Variants in TIAM1 observed in about 807,000 individuals in gnomAD.
The protein encoded by TIAM1 is rho guanine nucleotide exchange factor TIAM1.
A neutral mutation model predicts 163.5 loss-of-function variants in TIAM1; 65 were observed. That is an observed-to-expected ratio of 0.40 (90% CI 0.33 to 0.49). TIAM1 has a LOEUF of 0.49. Ranked by LOEUF, TIAM1 falls within the 20% of genes least tolerant of loss-of-function variation. The probability of loss-of-function intolerance (pLI) is 0.77; values close to 1 mark genes in which losing one functional copy is unlikely to be tolerated. For missense variants in TIAM1, 1,789 were observed against 2,044.7 expected, an observed-to-expected ratio of 0.87 and a Z score of 2.41; for synonymous variants, 833 against 810.1, an observed-to-expected ratio of 1.03 and a Z score of -0.48.
intron 2 of TIAM1, among the ~76,000 whole-genome samples, chr21:31,363,389 C>T (rs1227355344): frequency 6.6e-6 from 1 of 152,162 alleles, no homozygotes; most frequent in African/African-American, 2.4e-5. Flanking sequence ...TACAACCCAA[C>T]ATTCTAACAG....
At chr21:31,131,022 G>GTGA in intron 23 of TIAM1, 74 bp from the exon 24 acceptor site, 1 of 1,271,456 alleles carries the variant, frequency 7.9e-7, no homozygotes, top group Non-Finnish European at 1.1e-6. Context: ...CCAACTTGTG[G>GTGA]TAATAAACAC....
intron 17 of TIAM1, 142 bp downstream of exon 17, chr21:31,154,105 G>T: frequency 1.1e-6 from 1 of 938,712 alleles, no homozygotes; most frequent in Non-Finnish European, 1.6e-6. Flanking sequence ...TTAACATTCA[G>T]AGTATAGGCA....
intron 22 of TIAM1, among the ~76,000 whole-genome samples, chr21:31,139,914 G>T (rs568679252): frequency 6.6e-6 from 1 of 152,236 alleles, no homozygotes; most frequent in Non-Finnish European, 1.5e-5. Context: ...GTCTGATACT[G>T]GCCTAGCTGA....
chr21:31,328,793 G>A (rs577707417), intron 2 of TIAM1, among the ~76,000 whole-genome samples: 6 of 151,286 alleles, frequency 4.0e-5, no homozygotes, highest in African/African-American at 9.7e-5. Flanking sequence ...TCCCACTTAT[G>A]AGTGATAACC....
At chr21:31,325,148 G>A (rs574288986) in intron 2 of TIAM1, among the ~76,000 whole-genome samples, 17 of 151,550 alleles carry the variant, frequency 1.1e-4, no homozygotes, top group African/African-American at 3.9e-4. Context: ...GCCAGGAATG[G>A]TGGTGTGCAG....
At chr21:31,491,343 T>C (rs2268236) in intron 1 of TIAM1, among the ~76,000 whole-genome samples, 48,347 of 152,044 alleles carry the variant, frequency 0.32, 8,427 homozygotes, top group East Asian at 0.71. Flanking sequence ...GTTTTGTTTC[T>C]AGCAGCCAAA....
intron 2 of TIAM1, among the ~76,000 whole-genome samples, chr21:31,295,227 T>C (rs1366123762): frequency 1.3e-5 from 2 of 152,080 alleles, no homozygotes; most frequent in Non-Finnish European, 2.9e-5. Flanking sequence ...TCCCAGCACT[T>C]TGGGAGGCCA....
In TIAM1 at chr21:31,266,035, T is replaced by G; in HGVS notation, c.938A>C (p.Gln313Pro). The G allele has an allele frequency of 6.2e-7, 1 of 1,614,184 alleles. No homozygotes were observed. Among genetic ancestry groups the G allele is most frequent in the Non-Finnish European group, 8.5e-7 (1 of 1,179,998 alleles). Residue 313 changes from glutamine to proline, a missense_variant, in exon 4 of 28, where the codon CAA becomes CCA. Physicochemically the swap from Gln to Pro is moderately conservative, Grantham distance 76. Around this residue, in one of 5 missense-constraint regions of TIAM1, gnomAD observed 555 missense variants for 564.9 expected, o/e 0.98. Transcript: ENST00000541036. ...NPQISHSNSM[Q>P]GRRAKTTQDV... ...CTGAGTTGTTTTAGCTCTTCTGCCT[T>G]GCATGCTGTTGCTATGGCTAATTTG...
chr21:31,182,684 AT>A (rs773451706), intron 14 of TIAM1, 39 bp from the exon 15 acceptor site: 1 of 1,584,034 alleles, frequency 6.3e-7, no homozygotes, highest in South Asian at 1.2e-5. Context: ...TTTCACACAC[AT>A]TATCAGAACA....
intron 1 of TIAM1, among the ~76,000 whole-genome samples, chr21:31,547,573 C>G (rs2048538989): frequency 6.6e-6 from 1 of 152,124 alleles, no homozygotes; most frequent in Non-Finnish European, 1.5e-5. Flanking sequence ...AACTAAGAAC[C>G]ACAGTTACAA....
At chr21:31,315,756 C>T (rs927006802) in intron 2 of TIAM1, among the ~76,000 whole-genome samples, 10 of 149,332 alleles carry the variant, frequency 6.7e-5, no homozygotes, top group Middle Eastern at 3.5e-3. Context: ...CCGAGGCAGG[C>T]GGATCATGAG....
intron 6 of TIAM1, among the ~76,000 whole-genome samples, chr21:31,230,468 C>T (rs1302871237): frequency 6.6e-6 from 1 of 152,064 alleles, no homozygotes; most frequent in African/African-American, 2.4e-5. Context: ...GATCCTGACC[C>T]CCAGCTCTTG....
intron 1 of TIAM1, among the ~76,000 whole-genome samples, chr21:31,537,802 A>G (rs78028883): frequency 0.012 from 1,870 of 152,270 alleles, 42 homozygotes; most frequent in African/African-American, 0.043. Flanking sequence ...AAGAGGATAG[A>G]AAACTAGGGT....
chr21:31,322,513 A>G (rs1601956517), intron 2 of TIAM1, among the ~76,000 whole-genome samples: 1 of 152,130 alleles, frequency 6.6e-6, no homozygotes, highest in East Asian at 1.9e-4. Context: ...AATGACAGCA[A>G]CTTGCCCCCT....
At position 31,297,984 on chromosome 21, in the gene TIAM1, G is replaced by A. The variant is rs114983519; in HGVS notation, c.-188-21076C>T. Among the ~76,000 whole-genome samples the A allele has an allele frequency of 6.1e-3, 923 of 152,252 alleles. 8 individuals carry two copies. The highest frequency in any genetic ancestry group is 0.021 in the African/African-American group (892 of 41,556). On this transcript the variant is annotated intron_variant, in intron 2 of 27. Transcript: ENST00000541036. ...GGTGTAATAATAACTGCTATTTGCA[G>A]GGTGCTTCATAATTTGAAAAACGTT... is the stretch of plus-strand genomic sequence containing the variant.
chr21:31,313,769 G>T (rs1183811837), intron 2 of TIAM1, among the ~76,000 whole-genome samples: 1 of 152,100 alleles, frequency 6.6e-6, no homozygotes, highest in South Asian at 2.1e-4. Flanking sequence ...TAGAGACGCG[G>T]TTTCACCATG....
intron 2 of TIAM1, among the ~76,000 whole-genome samples, chr21:31,369,180 T>G (rs1406003869): frequency 3.6e-5 from 5 of 140,128 alleles, no homozygotes; most frequent in Non-Finnish European, 3.0e-5. Context: ...GAGCCGAGAT[T>G]GTGCCACTGC....
chr21:31,429,269 T>C (rs898844700), intron 2 of TIAM1, among the ~76,000 whole-genome samples: 1 of 152,162 alleles, frequency 6.6e-6, no homozygotes, highest in Non-Finnish European at 1.5e-5. Flanking sequence ...CCCGAAGTGT[T>C]GGGATTGCAT....
chr21:31,302,440 G>A (rs1377218753), intron 2 of TIAM1, among the ~76,000 whole-genome samples: 1 of 152,206 alleles, frequency 6.6e-6, no homozygotes, highest in African/African-American at 2.4e-5. Context: ...AATGAATGCT[G>A]TCTTTGACAT....
Sources: allele counts gnomAD v4.1 joint callset (sites outside exome capture counted in the v4.1 genomes callset), GRCh38; gene constraint gnomAD v4.1.1; regional missense constraint gnomAD v4.1.1; transcripts MANE v1.5; gene names NCBI Gene and HGNC (gene_info 2026-07-23, HGNC 2026-07-21).